Variants in PDE3A observed in about 807,000 individuals in gnomAD.
The protein encoded by PDE3A is cGMP-inhibited 3',5'-cyclic phosphodiesterase 3A.
A neutral mutation model predicts 98.3 loss-of-function variants in PDE3A; 43 were observed. That is an observed-to-expected ratio of 0.44 (90% CI 0.34 to 0.56). The LOEUF (loss-of-function observed/expected upper bound fraction) is 0.56, where lower values mean the gene tolerates loss of function less well. PDE3A is among the 20% of genes least tolerant of loss of function. PDE3A has a pLI of 0.01. For synonymous variants in PDE3A, 663 were observed against 567.9 expected (o/e 1.17, Z -2.38); for missense variants, 1,427 against 1,440.7 (o/e 0.99, Z 0.15).
chr12:20,392,779 AT>A (rs1943942836), intron 1 of PDE3A, among the ~76,000 whole-genome samples: 1 of 152,052 alleles, frequency 6.6e-6, no homozygotes, highest in African/African-American at 2.4e-5. Flanking sequence ...TATAAACACA[AT>A]GGAATACTAT....
At chr12:20,403,651 T>C (rs1042467552) in intron 1 of PDE3A, among the ~76,000 whole-genome samples, 1 of 152,166 alleles carries the variant, frequency 6.6e-6, no homozygotes, top group African/African-American at 2.4e-5. Context: ...ATGTGCAAAA[T>C]GACAATTCCG....
In PDE3A at chr12:20,613,506, G is replaced by A; in HGVS notation, c.1075G>A (p.Asp359Asn). The A allele has an allele frequency of 6.2e-7, 1 of 1,614,052 alleles. No homozygotes were observed. Among genetic ancestry groups the A allele is most frequent in the Non-Finnish European group, 8.5e-7 (1 of 1,179,948 alleles). Reference sequence around the variant, plus strand: ...GGGCGAGGCCCACGGCCTCATTACCGACCTCCTGGCAGACCCTTCTCTTCC... The same window carrying A: ...GGGCGAGGCCCACGGCCTCATTACCAACCTCCTGGCAGACCCTTCTCTTCC... ...VMGEAHGLIT[D>N]LLADPSLPPN... Residue 359 changes from aspartate to asparagine, a missense_variant, in exon 3 of 16, where the codon GAC (aspartate) becomes AAC (asparagine). Coordinates refer to ENST00000359062, the MANE Select transcript of PDE3A (RefSeq NM_000921.5).
chr12:20,524,858 G>A (rs563833981), intron 1 of PDE3A, among the ~76,000 whole-genome samples: 13 of 152,156 alleles, frequency 8.5e-5, no homozygotes, highest in African/African-American at 3.1e-4. Context: ...AGCTAGGCCG[G>A]GCTCGGTGGC....
At chr12:20,516,101 T>C (rs1946318222) in intron 1 of PDE3A, among the ~76,000 whole-genome samples, 1 of 152,118 alleles carries the variant, frequency 6.6e-6, no homozygotes, top group South Asian at 2.1e-4. Context: ...AGGAAAGTTT[T>C]TGACCTTTCA....
intron 15 of PDE3A, among the ~76,000 whole-genome samples, chr12:20,663,575 G>T (rs1227787148): frequency 6.6e-6 from 1 of 152,192 alleles, no homozygotes; most frequent in Non-Finnish European, 1.5e-5. Flanking sequence ...TAACTTTAAG[G>T]TATAACAACT....
At chr12:20,443,788 G>A (rs767001688) in intron 1 of PDE3A, among the ~76,000 whole-genome samples, 12 of 152,074 alleles carry the variant, frequency 7.9e-5, no homozygotes, top group Non-Finnish European at 1.3e-4. Context: ...ACTTATTTTC[G>A]TTTAGCAAAT....
In PDE3A at chr12:20,571,829, C is replaced by CTAGACTAAA. The variant is rs556653689; in HGVS notation, c.1011+15120_1011+15128dup. ...TTAGAACACTATGCAAAATTTCCCA[C>CTAGACTAAA]TAGACTAAAGCTTCTAGTATCCAAG... On this transcript the variant is annotated intron_variant, in intron 2 of 15. Transcript: ENST00000359062. 1.4e-4 allele frequency: 120 copies of CTAGACTAAA among 836,428 alleles called. 1 individual carries two copies. Among genetic ancestry groups the CTAGACTAAA allele is most frequent in the Non-Finnish European group, 5.5e-5 (38 of 692,540 alleles). 51.8% of individuals were successfully genotyped at this position (836,428 alleles called of 1,614,324 possible).
At chr12:20,545,295 A>T (rs951523304) in intron 1 of PDE3A, among the ~76,000 whole-genome samples, 30 of 152,066 alleles carry the variant, frequency 2.0e-4, no homozygotes, top group Non-Finnish European at 3.8e-4. Flanking sequence ...GAAGATCATT[A>T]TCAGAAATAG....
At position 20,621,187 on chromosome 12, in the gene PDE3A, T is replaced by C. The variant is rs1210611723; in HGVS notation, c.1425-109T>C. On this transcript the variant is annotated intron_variant, in intron 4 of 15. Coordinates refer to ENST00000359062, the MANE Select transcript of PDE3A (RefSeq NM_000921.5). ...CACTGAACCTGAACCAATACTCAGATTGGCAAATCTATTAGAGAAATGATG... is the reference window on the plus strand; with the variant it reads ...CACTGAACCTGAACCAATACTCAGACTGGCAAATCTATTAGAGAAATGATG... 3.2e-5 allele frequency: 21 copies of C among 659,206 alleles called. 1 individual carries two copies. The Admixed American group carries it at 4.8e-4, about 15-fold the overall frequency. 40.8% of individuals were successfully genotyped at this position (659,206 alleles called of 1,614,324 possible). A position where few individuals can be genotyped will look rare whatever the true frequency, so the allele number is the denominator to read the frequency against.
chr12:20,496,504 G>C (rs554053531), intron 1 of PDE3A, among the ~76,000 whole-genome samples: 2 of 152,012 alleles, frequency 1.3e-5, no homozygotes, highest in Non-Finnish European at 2.9e-5. Flanking sequence ...ATGGACCTGG[G>C]TACTCCACAT....
At chr12:20,387,763 A>G (rs1943838600) in intron 1 of PDE3A, among the ~76,000 whole-genome samples, 1 of 152,002 alleles carries the variant, frequency 6.6e-6, no homozygotes, top group South Asian at 2.1e-4. Flanking sequence ...ATTATGAAAC[A>G]TTGTTTACAT....
chr12:20,410,169 C>T (rs998356105), intron 1 of PDE3A, among the ~76,000 whole-genome samples: 7 of 152,144 alleles, frequency 4.6e-5, no homozygotes, highest in Non-Finnish European at 8.8e-5. Flanking sequence ...CCCTGGGATG[C>T]ACTAGTTAAA....
chr12:20,388,971 A>G (rs897327367), intron 1 of PDE3A, among the ~76,000 whole-genome samples: 2 of 152,078 alleles, frequency 1.3e-5, no homozygotes, highest in Admixed American at 6.6e-5. Flanking sequence ...AATAAATTTG[A>G]GAATATTAAA....
chr12:20,664,239 G>C (rs1337727867), intron 15 of PDE3A, among the ~76,000 whole-genome samples: 1 of 152,054 alleles, frequency 6.6e-6, no homozygotes, highest in Non-Finnish European at 1.5e-5. Flanking sequence ...TTTTATAGCA[G>C]CATGAGAATG....
chr12:20,406,908 G>A (rs977812731), intron 1 of PDE3A, among the ~76,000 whole-genome samples: 4 of 152,088 alleles, frequency 2.6e-5, no homozygotes, highest in African/African-American at 9.7e-5. Flanking sequence ...TTATTTTTGT[G>A]TGTATGGATA....
intron 2 of PDE3A, among the ~76,000 whole-genome samples, chr12:20,606,464 A>G (rs1472425699): frequency 1.3e-5 from 2 of 152,158 alleles, no homozygotes; most frequent in East Asian, 3.8e-4. Flanking sequence ...GATGCCTTTT[A>G]TAGCACGCAA....
At chr12:20,416,340 G>A (rs569986016) in intron 1 of PDE3A, among the ~76,000 whole-genome samples, 163 of 152,206 alleles carry the variant, frequency 1.1e-3, no homozygotes, top group Non-Finnish European at 2.0e-3. Context: ...TTTCCTGTGC[G>A]GAATATTTGA....
At chr12:20,371,268 G>C (rs10841497) in intron 1 of PDE3A, 2 of 627,892 alleles carry the variant, frequency 3.2e-6, no homozygotes, top group Non-Finnish European at 4.0e-6. Flanking sequence ...AAATGCATAC[G>C]GTGTCTAAAA....
chr12:20,392,703 A>C (rs909374742), intron 1 of PDE3A, among the ~76,000 whole-genome samples: 2 of 152,068 alleles, frequency 1.3e-5, no homozygotes, highest in African/African-American at 2.4e-5. Context: ...CACTGTTCAC[A>C]ATAGCTAAGA....
Sources: allele counts gnomAD v4.1 joint callset (sites outside exome capture counted in the v4.1 genomes callset), GRCh38; gene constraint gnomAD v4.1.1; transcripts MANE v1.5; gene names NCBI Gene and HGNC (gene_info 2026-07-23, HGNC 2026-07-21).